Variants in SLC9A7 observed in about 807,000 individuals in gnomAD.
SLC9A7 encodes solute carrier family 9 member A7, also known as sodium/hydrogen exchanger 7.
A neutral mutation model predicts 52.6 loss-of-function variants in SLC9A7; 19 were observed. The ratio of observed to expected loss-of-function variants is 0.36; its 90% confidence interval spans 0.25 to 0.53. The LOEUF (loss-of-function observed/expected upper bound fraction) is 0.53, where lower values mean the gene tolerates loss of function less well. SLC9A7 is among the 20% of genes least tolerant of loss of function. SLC9A7 has a pLI of 0.91. For synonymous variants in SLC9A7, 226 were observed against 252.1 expected (o/e 0.90, Z 0.98); for missense variants, 455 against 597.9 (o/e 0.76, Z 2.49).
intron 13 of SLC9A7, among the ~76,000 whole-genome samples, chrX:46,633,394 G>A (rs1224265150): frequency 1.3e-5 from 1 of 74,132 alleles, no homozygotes; most frequent in Non-Finnish European, 2.5e-5. Context: ...GATCGGGGCC[G>A]TGAGACACAA....
At position 46,600,278 on chromosome X, in the gene SLC9A7, T is replaced by C. The variant is rs1942640971; in HGVS notation, c.*6674A>G. Reference sequence around the variant, plus strand: ...GAGACAGCAGATGTTGAGGTTTCCATGCTGTTTACAAGTCCTTTTCTATCT... The same window carrying C: ...GAGACAGCAGATGTTGAGGTTTCCACGCTGTTTACAAGTCCTTTTCTATCT... On this transcript the variant is annotated 3_prime_UTR_variant, in exon 17 of 17. Transcript: ENST00000616978. The C allele has an allele frequency of 8.9e-6, 1 of 112,297 alleles. No homozygotes were observed. Among genetic ancestry groups the C allele is most frequent in the Non-Finnish European group, 1.9e-5 (1 of 53,310 alleles). The allele number at this position is 112,297 out of a possible 1,213,427, so 9.3% of individuals were successfully genotyped here.
chrX:46,676,832 A>AT (rs1944126885), intron 3 of SLC9A7, among the ~76,000 whole-genome samples: 1 of 111,618 alleles, frequency 9.0e-6, no homozygotes, highest in Non-Finnish European at 1.9e-5. Flanking sequence ...TTTTGTACAG[A>AT]AAACCTAAAT....
In SLC9A7 at chrX:46,669,770, G is replaced by A. The variant is rs767138689; in HGVS notation, c.681-51C>T. 11 of 601,928 alleles carry A rather than the reference G, an allele frequency of 1.8e-5. No homozygotes were observed. In the Admixed American group the frequency reaches 2.3e-4, roughly 13 times the overall value. The allele number at this position is 601,928 out of a possible 1,213,427, so 49.6% of individuals were successfully genotyped here. A position where few individuals can be genotyped will look rare whatever the true frequency, so the allele number is the denominator to read the frequency against. On this transcript the variant is annotated intron_variant, in intron 4 of 16. Transcript: ENST00000616978. ...TCAGGAGAAAAAAATAAGTAACTTA[G>A]CAAACACGCAAGCAGAATAGCACTA...
intron 1 of SLC9A7, chrX:46,725,687 C>T (rs1944933099): frequency 2.5e-6 from 3 of 1,194,392 alleles, no homozygotes; most frequent in Admixed American, 2.2e-5. Context: ...GATCCTTATA[C>T]TTCACTAGCT....
intron 7 of SLC9A7, among the ~76,000 whole-genome samples, chrX:46,654,985 T>A (rs1215257165): frequency 1.1e-5 from 1 of 95,149 alleles, no homozygotes; most frequent in East Asian, 3.2e-4. Flanking sequence ...TTTCTTTCTT[T>A]TTTTTTTTTT....
intron 1 of SLC9A7, among the ~76,000 whole-genome samples, chrX:46,750,504 C>G (rs1444878491): frequency 1.8e-5 from 2 of 111,318 alleles, no homozygotes; most frequent in Non-Finnish European, 1.9e-5. Flanking sequence ...GACATGCCAC[C>G]ATGCCCAGCT....
chrX:46,669,760 A>T (rs1324590897), intron 4 of SLC9A7, 41 bp from the exon 5 acceptor site: 3 of 724,029 alleles, frequency 4.1e-6, no homozygotes, highest in Admixed American at 6.4e-5. Flanking sequence ...AGAAAAAAAT[A>T]AGTAACTTAG....
intron 11 of SLC9A7, among the ~76,000 whole-genome samples, chrX:46,645,177 T>G (rs1384962196): frequency 8.9e-6 from 1 of 112,452 alleles, no homozygotes; most frequent in Non-Finnish European, 1.9e-5. Flanking sequence ...CACTGTGCAC[T>G]TCTCAGCTTT....
intron 1 of SLC9A7, among the ~76,000 whole-genome samples, chrX:46,710,433 C>G (rs749569914): frequency 1.8e-5 from 2 of 111,768 alleles, no homozygotes; most frequent in African/African-American, 6.5e-5. Flanking sequence ...CAGTGTTAGC[C>G]AGCAAAATTG....
chrX:46,703,579 G>A (rs1295465455), intron 1 of SLC9A7, among the ~76,000 whole-genome samples: 4 of 111,921 alleles, frequency 3.6e-5, no homozygotes, highest in African/African-American at 1.3e-4. Flanking sequence ...CCTCAGCTCT[G>A]TAGTCTGGCT....
intron 3 of SLC9A7, 110 bp downstream of exon 3, chrX:46,679,568 C>T: frequency 1.7e-6 from 1 of 571,666 alleles, no homozygotes. Context: ...TGAGTGGGTG[C>T]AGAACAAAGT....
At chrX:46,701,353 C>T (rs774591110) in intron 1 of SLC9A7, among the ~76,000 whole-genome samples, 51 of 111,117 alleles carry the variant, frequency 4.6e-4, no homozygotes, top group African/African-American at 1.5e-3. Flanking sequence ...TTTGGGAGGC[C>T]GAGGCGGGTG....
At chrX:46,633,806 G>C (rs1039748360) in intron 13 of SLC9A7, among the ~76,000 whole-genome samples, 1 of 109,994 alleles carries the variant, frequency 9.1e-6, no homozygotes, top group African/African-American at 3.3e-5. Context: ...CGAGCAGCTG[G>C]GACTACAGGC....
At chrX:46,722,861 G>A (rs1944881305) in intron 1 of SLC9A7, among the ~76,000 whole-genome samples, 3 of 111,812 alleles carry the variant, frequency 2.7e-5, no homozygotes, top group African/African-American at 9.8e-5. Flanking sequence ...GCCACCACAC[G>A]GAACCAATTG....
At chrX:46,629,569 G>A (rs1387854586) in intron 14 of SLC9A7, among the ~76,000 whole-genome samples, 9 of 111,998 alleles carry the variant, frequency 8.0e-5, no homozygotes, top group African/African-American at 2.6e-4. Flanking sequence ...ATGCTTGAAT[G>A]CAGAGGTAGG....
chrX:46,748,347 A>C (rs112754829), intron 1 of SLC9A7, among the ~76,000 whole-genome samples: 1 of 60,665 alleles, frequency 1.6e-5, no homozygotes, highest in African/African-American at 4.7e-5. Context: ...ACTCTGTCAA[A>C]AAAAAAAAAA....
At chrX:46,733,490 T>G (rs1945074856) in intron 1 of SLC9A7, among the ~76,000 whole-genome samples, 1 of 111,882 alleles carries the variant, frequency 8.9e-6, no homozygotes, top group African/African-American at 3.2e-5. Flanking sequence ...TGTATACCTT[T>G]TTCTCTTCTC....
chrX:46,618,066 G>T (rs1438899140), intron 15 of SLC9A7, among the ~76,000 whole-genome samples: 1 of 111,434 alleles, frequency 9.0e-6, no homozygotes, highest in African/African-American at 3.3e-5. Flanking sequence ...AATTTGAGAG[G>T]AGGAAACCAA....
chrX:46,748,573 AC>A (rs1922004414), intron 1 of SLC9A7, among the ~76,000 whole-genome samples: 3 of 103,772 alleles, frequency 2.9e-5, no homozygotes, highest in Non-Finnish European at 3.9e-5. Flanking sequence ...GTGTACACAC[AC>A]ACACACACAC....
Sources: allele counts gnomAD v4.1 joint callset (sites outside exome capture counted in the v4.1 genomes callset), GRCh38; gene constraint gnomAD v4.1.1; transcripts MANE v1.5; gene names NCBI Gene and HGNC (gene_info 2026-07-23, HGNC 2026-07-21).